Variants in HS1BP3 observed in about 807,000 individuals in gnomAD.
HS1BP3 encodes HCLS1 binding protein 3, also known as HCLS1-binding protein 3.
HS1BP3 carries 32 observed loss-of-function variants against 33.5 expected under a neutral mutation model. That is an observed-to-expected ratio of 0.95 (90% CI 0.72 to 1.28). The LOEUF (loss-of-function observed/expected upper bound fraction) is 1.28, where lower values mean the gene tolerates loss of function less well. Ranked by LOEUF, HS1BP3 falls within the 50% of genes most tolerant of loss-of-function variation. The pLI is 0.00. For missense variants in HS1BP3, 486 were observed against 502.3 expected, an observed-to-expected ratio of 0.97 and a Z score of 0.31; for synonymous variants, 187 against 209.2, an observed-to-expected ratio of 0.89 and a Z score of 0.92.
intron 6 of HS1BP3, chr2:20,622,633 A>T (rs1382032029): frequency 3.6e-6 from 1 of 278,116 alleles, no homozygotes; most frequent in Non-Finnish European, 7.3e-6. Flanking sequence ...GAAGTAACGG[A>T]TTTAGAATAA....
downstream of HS1BP3, among the ~76,000 whole-genome samples, chr2:20,588,055 A>T (rs1354807899): frequency 1.3e-5 from 2 of 151,962 alleles, no homozygotes; most frequent in Non-Finnish European, 2.9e-5. Flanking sequence ...GTCCTCGGAG[A>T]CCAGCCTGTG....
At chr2:20,591,896 G>A (rs915635422), downstream of HS1BP3, among the ~76,000 whole-genome samples, 4 of 152,108 alleles carry the variant, frequency 2.6e-5, no homozygotes, top group African/African-American at 4.8e-5. Flanking sequence ...TCTGAGCAGC[G>A]AACACCCCAG....
At chr2:20,600,640 C>A (rs1436469366) in intron 2 of HS1BP3, among the ~76,000 whole-genome samples, 1 of 152,172 alleles carries the variant, frequency 6.6e-6, no homozygotes, top group African/African-American at 2.4e-5. Flanking sequence ...CATTAAAATC[C>A]TCATGATATG....
intron 2 of HS1BP3, among the ~76,000 whole-genome samples, chr2:20,609,768 T>C (rs1193958461): frequency 2.0e-5 from 3 of 152,236 alleles, no homozygotes; most frequent in East Asian, 1.9e-4. Flanking sequence ...TCCAGGCCAA[T>C]TGAGGATTCT....
intron 5 of HS1BP3, among the ~76,000 whole-genome samples, chr2:20,565,234 G>T (rs1009290729): frequency 6.6e-6 from 1 of 152,154 alleles, no homozygotes; most frequent in African/African-American, 2.4e-5. Context: ...GGATAAAATG[G>T]GGTGAGGCCA....
At chr2:20,647,898 C>G (rs989150744) in intron 1 of HS1BP3, among the ~76,000 whole-genome samples, 65 of 152,156 alleles carry the variant, frequency 4.3e-4, no homozygotes, top group African/African-American at 1.5e-3. Context: ...CCATCTCTAG[C>G]AAATTCCCAA....
At chr2:20,557,785 C>T (rs923475017), downstream of HS1BP3, among the ~76,000 whole-genome samples, 2 of 152,174 alleles carry the variant, frequency 1.3e-5, no homozygotes, top group African/African-American at 4.8e-5. Context: ...ATGGCTCTCT[C>T]CTGGTTCAGG....
chr2:20,591,903 C>G (rs948536690), downstream of HS1BP3, among the ~76,000 whole-genome samples: 6 of 152,146 alleles, frequency 3.9e-5, no homozygotes, highest in African/African-American at 1.4e-4. Context: ...AGCGAACACC[C>G]CAGGTGGTTG....
intron 3 of HS1BP3, among the ~76,000 whole-genome samples, chr2:20,593,358 T>C (rs1693864535): frequency 6.6e-6 from 1 of 152,164 alleles, no homozygotes; most frequent in South Asian, 2.1e-4. Flanking sequence ...TCCCCTCCCC[T>C]AGGCCACAGG....
chr2:20,618,924 C>T lies in HS1BP3; in HGVS notation c.*63G>A. 2 of 1,556,216 alleles carry T rather than the reference C, an allele frequency of 1.3e-6. No homozygotes were observed. Among genetic ancestry groups the T allele is most frequent in the African/African-American group, 1.4e-5 (1 of 73,758 alleles). Reference sequence around the variant, plus strand: ...GGTTCTGACCCTGCAGGGCCCAGTCCCTTCCCTTCACACCGATGTCCCCAC... The same window carrying T: ...GGTTCTGACCCTGCAGGGCCCAGTCTCTTCCCTTCACACCGATGTCCCCAC... On this transcript the variant is annotated 3_prime_UTR_variant, in exon 7 of 7. Transcript: ENST00000304031.
downstream of HS1BP3, among the ~76,000 whole-genome samples, chr2:20,589,332 G>A (rs1449472066): frequency 6.6e-6 from 1 of 152,176 alleles, no homozygotes. Flanking sequence ...GGGGGGCTCT[G>A]ACATGGGCGA....
intron 4 of HS1BP3, 96 bp from the exon 5 acceptor site, chr2:20,624,988 G>T: frequency 7.0e-7 from 1 of 1,430,310 alleles, no homozygotes; most frequent in Non-Finnish European, 9.7e-7. Flanking sequence ...TGCAGTGGAG[G>T]GGCTGGATGC....
Position 20,638,429 on chromosome 2 carries a change from G to T in HS1BP3, c.623+7C>A. On this transcript the variant is annotated splice_region_variant and intron_variant, in intron 4 of 6. Transcript: ENST00000304031. ...CAAAGGGGCCCTCTCAACAACAGGA[G>T]ACCAACCGCATAATGCCCAGAGGGT... 1 of 1,613,396 alleles carries T rather than the reference G, an allele frequency of 6.2e-7. No individual in the cohort carries two copies. The highest frequency in any genetic ancestry group is 1.1e-5 in the South Asian group (1 of 90,958).
chr2:20,591,845 C>T (rs1478666909), downstream of HS1BP3, among the ~76,000 whole-genome samples: 3 of 152,092 alleles, frequency 2.0e-5, no homozygotes, highest in Non-Finnish European at 4.4e-5. Flanking sequence ...ATTACAGGCC[C>T]GAGCCACCGC....
chr2:20,605,929 C>T (rs74697022), intron 2 of HS1BP3, among the ~76,000 whole-genome samples: 1,673 of 152,194 alleles, frequency 0.011, 28 homozygotes, highest in African/African-American at 0.038. Flanking sequence ...GAGTTTTGTT[C>T]GAACCCCTGT....
At chr2:20,582,318 G>A (rs1391265993) in intron 5 of HS1BP3, among the ~76,000 whole-genome samples, 1 of 152,166 alleles carries the variant, frequency 6.6e-6, no homozygotes, top group African/African-American at 2.4e-5. Context: ...AGGGCTCACA[G>A]CCTCTAGAAG....
intron 4 of HS1BP3, among the ~76,000 whole-genome samples, chr2:20,631,424 A>G (rs1332691101): frequency 6.9e-6 from 1 of 145,078 alleles, no homozygotes. Flanking sequence ...CTGAGGTGGG[A>G]GGATCAGTTA....
intron 1 of HS1BP3, among the ~76,000 whole-genome samples, 157 bp from the exon 2 acceptor site, chr2:20,645,662 C>T (rs1191279708): frequency 6.6e-6 from 1 of 152,226 alleles, no homozygotes. Context: ...CCCATCCCGC[C>T]ACACCAGCCC....
At chr2:20,641,660 T>A (rs779947585) in intron 2 of HS1BP3, among the ~76,000 whole-genome samples, 4 of 152,164 alleles carry the variant, frequency 2.6e-5, no homozygotes, top group African/African-American at 7.2e-5. Flanking sequence ...AGACAGATAT[T>A]TCCAAGGCTT....
Sources: allele counts gnomAD v4.1 joint callset (sites outside exome capture counted in the v4.1 genomes callset), GRCh38; gene constraint gnomAD v4.1.1; transcripts MANE v1.5; gene names NCBI Gene and HGNC (gene_info 2026-07-23, HGNC 2026-07-21).